The following SLC7A14 variants were observed in gnomAD, a reference collection of about 807,000 sequenced individuals.
SLC7A14 encodes the protein gamma-aminobutyric acid transporter SLC7A14.
Under a neutral mutation model 60.2 loss-of-function variants are expected in SLC7A14, and 37 were observed. The ratio of observed to expected loss-of-function variants is 0.61; its 90% CI spans 0.47 to 0.81. SLC7A14 has a LOEUF of 0.81. Among genes scored for constraint, SLC7A14 ranks in the 30% least tolerant of loss-of-function variants. The probability of loss-of-function intolerance (pLI) is 0.00; values close to 1 mark genes in which losing one functional copy is unlikely to be tolerated. For synonymous variants in SLC7A14, 399 were observed against 395.8 expected, an observed-to-expected ratio of 1.01 and a Z score of -0.10; for missense variants, 886 against 982.7, an observed-to-expected ratio of 0.90 and a Z score of 1.32.
intron 7 of SLC7A14, chr3:170,476,780 C>A (rs373027769): frequency 2.0e-5 from 3 of 152,184 alleles, no homozygotes; most frequent in African/African-American, 7.2e-5. Context: ...GATAAGTAAA[C>A]TGAGGCCCAA....
intron 7 of SLC7A14, among the ~76,000 whole-genome samples, chr3:170,478,109 G>C (rs1388633103): frequency 6.6e-6 from 1 of 152,014 alleles, no homozygotes; most frequent in Non-Finnish European, 1.5e-5. Flanking sequence ...ATGGAGTCTT[G>C]CTCTGTCTCC....
At chr3:170,487,767 G>C (rs1186501848) in intron 4 of SLC7A14, among the ~76,000 whole-genome samples, 2 of 152,162 alleles carry the variant, frequency 1.3e-5, no homozygotes, top group Admixed American at 1.3e-4. Context: ...TCTTATCCTG[G>C]AGGCCATGGA....
intron 4 of SLC7A14, chr3:170,496,647 G>A: frequency 7.3e-7 from 1 of 1,373,168 alleles, no homozygotes. Flanking sequence ...TGGAGTCTGG[G>A]ATGCAGAACA....
intron 4 of SLC7A14, chr3:170,495,663 C>A: frequency 1.2e-6 from 1 of 852,032 alleles, no homozygotes; most frequent in Non-Finnish European, 2.0e-6. Context: ...CCTGCTGAGC[C>A]CTGTTAACCT....
At chr3:170,565,412 G>C (rs1320922930) in intron 1 of SLC7A14, among the ~76,000 whole-genome samples, 1 of 152,198 alleles carries the variant, frequency 6.6e-6, no homozygotes, top group Non-Finnish European at 1.5e-5. Flanking sequence ...GGCAGTTGCA[G>C]ATAAAAGACT....
intron 1 of SLC7A14, among the ~76,000 whole-genome samples, chr3:170,572,060 C>T (rs1183426012): frequency 1.2e-5 from 1 of 80,710 alleles, no homozygotes; most frequent in Non-Finnish European, 2.5e-5. Flanking sequence ...GACTCTGTCT[C>T]AAAAAAAAAA....
intron 1 of SLC7A14, among the ~76,000 whole-genome samples, chr3:170,579,162 C>T (rs931098492): frequency 6.6e-6 from 1 of 152,120 alleles, no homozygotes; most frequent in African/African-American, 2.4e-5. Flanking sequence ...TTAAAAAATG[C>T]AGAGTGGGTT....
intron 1 of SLC7A14, among the ~76,000 whole-genome samples, chr3:170,565,112 T>C (rs1302214487): frequency 6.6e-6 from 1 of 152,188 alleles, no homozygotes; most frequent in East Asian, 1.9e-4. Context: ...TTCAGTTGTT[T>C]CACAAGAAAG....
chr3:170,510,968 T>A (rs1165819142), intron 2 of SLC7A14, among the ~76,000 whole-genome samples: 3 of 152,176 alleles, frequency 2.0e-5, no homozygotes, highest in Non-Finnish European at 4.4e-5. Flanking sequence ...CAGCCCCTTC[T>A]TATTTTAGGA....
At chr3:170,478,775 G>A (rs1377365593) in intron 7 of SLC7A14, among the ~76,000 whole-genome samples, 1 of 152,110 alleles carries the variant, frequency 6.6e-6, no homozygotes. Context: ...GAGGACACAT[G>A]TTGAACAAGT....
chr3:170,579,231 G>A (rs868129661), intron 1 of SLC7A14, among the ~76,000 whole-genome samples: 3 of 152,206 alleles, frequency 2.0e-5, no homozygotes, highest in African/African-American at 7.2e-5. Context: ...CAACTCAGGT[G>A]AGTGTTCCCA....
Position 170,480,351 on chromosome 3 carries a change from A to T in SLC7A14, c.1931T>A (p.Ile644Asn). Residue 644 changes from isoleucine (I) to asparagine (N), a missense_variant, in exon 7 of 8, where the codon ATC (isoleucine) becomes AAC (asparagine). Transcript: ENST00000231706. ...FVPAFAMLVN[I>N]YLMLKLSTIT... is the part of the protein sequence containing the mutation. ...GGTGGAGAGCTTTAGCATGAGATAGATGTTCACCAGCATGGCAAAGGCAGG... is the reference window on the plus strand; with the variant it reads ...GGTGGAGAGCTTTAGCATGAGATAGTTGTTCACCAGCATGGCAAAGGCAGG... 4 of 1,594,872 alleles carry T rather than the reference A, an allele frequency of 2.5e-6. No homozygotes were observed. Among genetic ancestry groups the T allele is most frequent in the Non-Finnish European group, 3.4e-6 (4 of 1,170,026 alleles).
At chr3:170,486,723 T>G (rs934735605) in intron 4 of SLC7A14, among the ~76,000 whole-genome samples, 1 of 151,946 alleles carries the variant, frequency 6.6e-6, no homozygotes, top group Non-Finnish European at 1.5e-5. Context: ...AATACAAAAA[T>G]TAGCCAGGCA....
chr3:170,526,903 G>A lies in SLC7A14; in HGVS notation c.34C>T (p.Arg12Trp), dbSNP rs866323364. 8 of 1,613,628 alleles carry A rather than the reference G, an allele frequency of 5.0e-6. No homozygotes were observed. Among genetic ancestry groups the A allele is most frequent in the African/African-American group, 1.3e-5 (1 of 75,048 alleles). Residue 12 changes from arginine to tryptophan, a missense_variant, in exon 2 of 8, where the codon CGG becomes TGG. Physicochemically the swap from Arg to Trp is moderately radical, Grantham distance 101. Transcript: ENST00000231706. ...TACCAGGCAGCTCCCCACTGCACCC[G>A]CCGGGGGTCCAGCGAGGTGAAGAAG... ...SGFFTSLDPR[R>W]VQWGAAWYAM...
intron 7 of SLC7A14, 79 bp downstream of exon 7, chr3:170,480,210 C>A: frequency 7.0e-7 from 1 of 1,425,358 alleles, no homozygotes; most frequent in South Asian, 1.5e-5. Flanking sequence ...TTGCCTAGTC[C>A]AGCTAGGAGG....
chr3:170,503,091 T>G (rs1228132607), intron 2 of SLC7A14: 1 of 152,240 alleles, frequency 6.6e-6, no homozygotes, highest in East Asian at 1.9e-4. Context: ...CTGTCAGGGA[T>G]AGTGAAGCTG....
intron 2 of SLC7A14, among the ~76,000 whole-genome samples, chr3:170,525,337 A>G (rs568149306): frequency 6.6e-6 from 1 of 152,382 alleles, no homozygotes; most frequent in South Asian, 2.1e-4. Context: ...TTTACAAAGT[A>G]TCGGCATGTG....
At chr3:170,495,798 G>T in intron 4 of SLC7A14, 3 of 1,133,606 alleles carry the variant, frequency 2.6e-6, no homozygotes, top group Non-Finnish European at 4.0e-6. Flanking sequence ...CAAGATGCTG[G>T]AGACCAAGTG....
intron 3 of SLC7A14, among the ~76,000 whole-genome samples, chr3:170,499,725 G>C (rs1467012173): frequency 6.6e-6 from 1 of 152,158 alleles, no homozygotes; most frequent in Non-Finnish European, 1.5e-5. Context: ...CTGCCTGCTT[G>C]GTTTTGCCCA....
Sources: gnomAD v4.1 joint callset for allele counts (sites outside exome capture counted in the v4.1 genomes callset) on GRCh38, gnomAD v4.1.1 for gene constraint, MANE v1.5 for transcripts, NCBI Gene and HGNC (gene_info 2026-07-23, HGNC 2026-07-21) for gene names.